Variants in HMGCLL1 observed in about 807,000 individuals in gnomAD.
HMGCLL1 encodes the protein 3-hydroxy-3-methylglutaryl-CoA lyase like 1, also known as 3-hydroxymethyl-3-methylglutaryl-CoA lyase, cytoplasmic.
In HMGCLL1, 36 loss-of-function variants were observed where a neutral mutation model predicts 39.1. The ratio of observed to expected loss-of-function variants is 0.92; its 90% confidence interval spans 0.71 to 1.22. The LOEUF (loss-of-function observed/expected upper bound fraction) is 1.22. Among genes scored for constraint, HMGCLL1 ranks in the 50% most tolerant of loss-of-function variants. The pLI, the probability that HMGCLL1 is intolerant of heterozygous loss-of-function variation, is 0.00. For missense variants in HMGCLL1, 451 were observed against 416.5 expected (o/e 1.08, Z -0.72); for synonymous variants, 149 against 144.0 (o/e 1.03, Z -0.25).
At chr6:55,508,250 A>G (rs1365166911) in intron 5 of HMGCLL1, among the ~76,000 whole-genome samples, 1 of 151,866 alleles carries the variant, frequency 6.6e-6, no homozygotes, top group Non-Finnish European at 1.5e-5. Context: ...TAACCCTACT[A>G]AACATGTTGA....
At chr6:55,549,923 C>T (rs1770228821) in intron 1 of HMGCLL1, among the ~76,000 whole-genome samples, 1 of 151,892 alleles carries the variant, frequency 6.6e-6, no homozygotes, top group Non-Finnish European at 1.5e-5. Flanking sequence ...TCCATTCAAA[C>T]TTCAAATAAA....
chr6:55,581,141 G>A (rs950035096), upstream of HMGCLL1, among the ~76,000 whole-genome samples: 1 of 151,896 alleles, frequency 6.6e-6, no homozygotes, highest in African/African-American at 2.4e-5. Flanking sequence ...AGACCTCTAA[G>A]ATAAGTCAGA....
At chr6:55,450,176 A>G (rs1764021310) in intron 7 of HMGCLL1, among the ~76,000 whole-genome samples, 1 of 152,218 alleles carries the variant, frequency 6.6e-6, no homozygotes, top group Admixed American at 6.5e-5. Context: ...ACGTTTCTCC[A>G]AATACATACC....
At chr6:55,547,810 T>C (rs1770077272) in intron 1 of HMGCLL1, among the ~76,000 whole-genome samples, 1 of 152,106 alleles carries the variant, frequency 6.6e-6, no homozygotes, top group Admixed American at 6.6e-5. Flanking sequence ...CTCCACATTC[T>C]GCTATTTATT....
the HMGCLL1 span, among the ~76,000 whole-genome samples, chr6:55,596,719 C>T: frequency 1.3e-5 from 2 of 152,108 alleles, no homozygotes; most frequent in Non-Finnish European, 2.9e-5. Context: ...GTATAAATTA[C>T]GTATATACTT....
chr6:55,579,256 G>GGGTGCACGGGGCACCT, upstream of HMGCLL1: 1 of 592,222 alleles, frequency 1.7e-6, no homozygotes, highest in East Asian at 2.8e-5. Context: ...CTGGGGCAGC[G>GGGTGCACGGGGCACCT]GGTGCACGGG....
chr6:55,585,887 G>C, the HMGCLL1 span, among the ~76,000 whole-genome samples: 27 of 151,936 alleles, frequency 1.8e-4, 1 homozygote, highest in Admixed American at 1.8e-3. Context: ...CATTCCTGTG[G>C]CAACATCTTA....
chr6:55,458,220 T>C (rs1228134076), intron 7 of HMGCLL1, among the ~76,000 whole-genome samples: 1 of 152,182 alleles, frequency 6.6e-6, no homozygotes, highest in Non-Finnish European at 1.5e-5. Flanking sequence ...CATCATATCA[T>C]TGAACAGATA....
At chr6:55,500,017 A>G (rs1367295482) in intron 5 of HMGCLL1, among the ~76,000 whole-genome samples, 2 of 152,074 alleles carry the variant, frequency 1.3e-5, no homozygotes, top group East Asian at 3.9e-4. Context: ...TTCCAGCTCA[A>G]CATCAATCCC....
At chr6:55,447,112 C>G (rs1274935565) in intron 7 of HMGCLL1, among the ~76,000 whole-genome samples, 1 of 151,910 alleles carries the variant, frequency 6.6e-6, no homozygotes, top group African/African-American at 2.4e-5. Flanking sequence ...TGAAATTACC[C>G]ATACATGAAG....
chr6:55,675,062 A>G, the HMGCLL1 span, among the ~76,000 whole-genome samples: 1 of 152,144 alleles, frequency 6.6e-6, no homozygotes, highest in East Asian at 1.9e-4. Flanking sequence ...CTTGTGCCTA[A>G]GAAGTATTTT....
chr6:55,521,567 A>T (rs867482812), intron 3 of HMGCLL1, among the ~76,000 whole-genome samples: 4 of 152,046 alleles, frequency 2.6e-5, no homozygotes, highest in Admixed American at 1.3e-4. Flanking sequence ...TATATCTGTT[A>T]TGGTGATCTG....
chr6:55,458,038 T>C (rs949978158), intron 7 of HMGCLL1, among the ~76,000 whole-genome samples: 4 of 152,174 alleles, frequency 2.6e-5, no homozygotes, highest in Admixed American at 6.5e-5. Context: ...ATTTTGAACA[T>C]ACTAAACAAT....
In HMGCLL1 at chr6:55,542,087, C is replaced by T; in HGVS notation, c.162G>A (p.Gly54=). ...LPEFVKIVEV[G]PRDGLQNEKV... is the part of the protein sequence containing the mutation. ...TTTCATTCTGCAATCCATCCCTAGGCCCAACTTCTACTATTTTAACAAACT... is the reference window on the plus strand; with the variant it reads ...TTTCATTCTGCAATCCATCCCTAGGTCCAACTTCTACTATTTTAACAAACT... Residue 54 remains glycine (G), a synonymous_variant, in exon 2 of 9, where the codon GGG becomes GGA. Coordinates refer to ENST00000274901, the MANE Select transcript of HMGCLL1 (RefSeq NM_001042406.2). 1 of 1,609,980 alleles carries T rather than the reference C, an allele frequency of 6.2e-7. No homozygotes were observed. The highest frequency in any genetic ancestry group is 1.1e-5 in the South Asian group (1 of 90,758).
the HMGCLL1 span, among the ~76,000 whole-genome samples, chr6:55,640,641 T>A: frequency 2.6e-5 from 4 of 151,994 alleles, no homozygotes; most frequent in East Asian, 7.7e-4. Flanking sequence ...TTCAAATGCA[T>A]TAGTGATATT....
At chr6:55,601,728 A>G in the HMGCLL1 span, among the ~76,000 whole-genome samples, 1 of 152,170 alleles carries the variant, frequency 6.6e-6, no homozygotes, top group African/African-American at 2.4e-5. Context: ...TAAATTGAAT[A>G]TAAATTAATG....
the HMGCLL1 span, among the ~76,000 whole-genome samples, chr6:55,609,200 C>T: frequency 2.6e-5 from 4 of 152,184 alleles, no homozygotes; most frequent in Non-Finnish European, 5.9e-5. Flanking sequence ...GCCATCACCA[C>T]TGCTGCTGCC....
At chr6:55,534,684 C>T (rs1406613282) in intron 3 of HMGCLL1, among the ~76,000 whole-genome samples, 1 of 152,076 alleles carries the variant, frequency 6.6e-6, no homozygotes, top group Non-Finnish European at 1.5e-5. Context: ...TTGTGAGTAC[C>T]TAAGAAACCT....
intron 7 of HMGCLL1, among the ~76,000 whole-genome samples, chr6:55,450,066 T>C (rs1371505304): frequency 1.3e-5 from 2 of 152,166 alleles, no homozygotes; most frequent in Non-Finnish European, 1.5e-5. Flanking sequence ...TCCTGGGTTT[T>C]GGTGAACACT....
Sources: allele counts gnomAD v4.1 joint callset (sites outside exome capture counted in the v4.1 genomes callset), GRCh38; gene constraint gnomAD v4.1.1; transcripts MANE v1.5; gene names NCBI Gene and HGNC (gene_info 2026-07-23, HGNC 2026-07-21).